Variants in PKD1L1 observed in about 807,000 individuals in gnomAD.
PKD1L1 encodes the protein polycystin-1-like protein 1.
A neutral mutation model predicts 323.4 loss-of-function variants in PKD1L1; 236 were observed. The observed-to-expected ratio is 0.73, with a 90% CI of 0.66 to 0.81. PKD1L1 has a LOEUF of 0.81. Ranked by LOEUF, PKD1L1 falls within the 40% of genes least tolerant of loss-of-function variation. The pLI is 0.00. For synonymous variants in PKD1L1, 1,344 were observed against 1,335.0 expected (o/e 1.01, Z -0.15); for missense variants, 3,320 against 3,508.0 (o/e 0.95, Z 1.35).
intron 56 of PKD1L1, among the ~76,000 whole-genome samples, chr7:47,792,199 G>T (rs1786965636): frequency 6.6e-6 from 1 of 152,174 alleles, no homozygotes; most frequent in African/African-American, 2.4e-5. Flanking sequence ...CTAACTTGGA[G>T]AATTCTGTGT....
At chr7:47,913,907 G>A (rs955919325) in intron 8 of PKD1L1, among the ~76,000 whole-genome samples, 2 of 152,162 alleles carry the variant, frequency 1.3e-5, no homozygotes, top group Admixed American at 1.3e-4. Flanking sequence ...GAAGAGAAGA[G>A]GTAGGAGCTG....
chr7:47,834,466 G>T, intron 39 of PKD1L1, 81 bp from the exon 40 acceptor site: 1 of 1,146,138 alleles, frequency 8.7e-7, no homozygotes, highest in Non-Finnish European at 1.3e-6. Flanking sequence ...GGATTAGCGG[G>T]GACACTACTT....
chr7:47,786,838 TC>T (rs1220373894), intron 56 of PKD1L1, among the ~76,000 whole-genome samples: 1 of 151,990 alleles, frequency 6.6e-6, no homozygotes, highest in Non-Finnish European at 1.5e-5. Context: ...GGAGGTCTCT[TC>T]GGGGTCCAAG....
intron 54 of PKD1L1, among the ~76,000 whole-genome samples, chr7:47,797,810 G>C (rs1230226492): frequency 6.6e-6 from 1 of 152,174 alleles, no homozygotes; most frequent in Non-Finnish European, 1.5e-5. Flanking sequence ...GTCTCCCTAG[G>C]AAGAATAAAT....
intron 24 of PKD1L1, among the ~76,000 whole-genome samples, chr7:47,870,484 T>C (rs996467642): frequency 6.6e-6 from 1 of 151,702 alleles, no homozygotes; most frequent in Non-Finnish European, 1.5e-5. Context: ...CATACAAAAC[T>C]GTATGCCAAA....
chr7:47,885,947 C>A lies in PKD1L1; in HGVS notation c.2944G>T (p.Asp982Tyr). The A allele has an allele frequency of 6.2e-7, 1 of 1,614,188 alleles. No homozygotes were observed. The highest frequency in any genetic ancestry group is 1.1e-5 in the South Asian group (1 of 91,086). Reference protein sequence around the residue: ...LPTEPGTADPDATTTPFSREP... With the variant: ...LPTEPGTADPYATTTPFSREP... ...CGTGAGAATGGTGTGGTCGTTGCAT[C>A]AGGATCTGCAGTGCCAGGCTCAGTG... The change falls in exon 18 of 57, where the codon GAT becomes TAT. Residue 982 changes from aspartate to tyrosine, a missense_variant. Transcript: ENST00000289672.
Position 47,855,281 on chromosome 7 carries a change from C to T in PKD1L1, c.4591-16G>A. On this transcript the variant is annotated splice_polypyrimidine_tract_variant and intron_variant, in intron 28 of 56. Coordinates refer to ENST00000289672, the MANE Select transcript of PKD1L1 (RefSeq NM_138295.5). ...CTCCACCAATCTTGGGGAACAAAGA[C>T]CATCTCAGAGCAAATGACAGCAAGC... 6.3e-7 allele frequency: 1 copy of T among 1,595,988 alleles called. No homozygotes were observed. Among genetic ancestry groups the T allele is most frequent in the Non-Finnish European group, 8.6e-7 (1 of 1,165,244 alleles).
At chr7:47,937,248 C>G (rs1446559735) in intron 3 of PKD1L1, among the ~76,000 whole-genome samples, 1 of 2,196 alleles carries the variant, frequency 4.6e-4, no homozygotes, top group South Asian at 9.4e-3. Flanking sequence ...GGGGTCGGGA[C>G]GGGGTGGGGG....
chr7:47,781,733 A>C (rs2128721437), intron 56 of PKD1L1, among the ~76,000 whole-genome samples: 1 of 152,242 alleles, frequency 6.6e-6, no homozygotes, highest in Non-Finnish European at 1.5e-5. Flanking sequence ...CAATTTTTAA[A>C]GTTCCAATTT....
In PKD1L1 at chr7:47,885,921, C is replaced by A. The variant is rs777074000; in HGVS notation, c.2970G>T (p.Arg990=). Residue 990 remains arginine, a synonymous_variant, in exon 18 of 57, where the codon CGG becomes CGT. Coordinates refer to ENST00000289672, the MANE Select transcript of PKD1L1 (RefSeq NM_138295.5). ...DPDATTTPFS[R]EPSPVTLGQP... ...GGCCAAGGGTCACGGGTGAAGGTTC[C>A]CGTGAGAATGGTGTGGTCGTTGCAT... The A allele has an allele frequency of 6.2e-7, 1 of 1,613,966 alleles. No individual in the cohort carries two copies. Among genetic ancestry groups the A allele is most frequent in the Non-Finnish European group, 8.5e-7 (1 of 1,180,022 alleles).
In PKD1L1 at chr7:47,880,265, C is replaced by CATATATAT. The variant is rs1223516389; in HGVS notation, c.3520+455_3520+462dup. On this transcript the variant is annotated intron_variant, in intron 21 of 56. Transcript: ENST00000289672. ...TAAATAAGATATATATATATATATA[C>CATATATAT]ATATATATATATATATATATTTTTT... Among the ~76,000 whole-genome samples, 268 of 75,546 alleles carry CATATATAT rather than the reference C, an allele frequency of 3.5e-3. 7 individuals carry two copies. Among genetic ancestry groups the CATATATAT allele is most frequent in the Non-Finnish European group, 4.4e-3 (192 of 43,910 alleles). The allele number at this position is 75,546 out of a possible 152,430, so 49.6% of individuals were successfully genotyped here. A position where few individuals can be genotyped will look rare whatever the true frequency, so the allele number is the denominator to read the frequency against.
chr7:47,959,186 C>G, the PKD1L1 span, among the ~76,000 whole-genome samples: 1 of 152,162 alleles, frequency 6.6e-6, no homozygotes, highest in African/African-American at 2.4e-5. Flanking sequence ...CTCCACCTCC[C>G]AGCCGCCTGC....
upstream of PKD1L1, among the ~76,000 whole-genome samples, chr7:47,950,249 C>T (rs1005491335): frequency 3.3e-5 from 5 of 152,158 alleles, no homozygotes; most frequent in African/African-American, 1.2e-4. Flanking sequence ...CCCACACGCA[C>T]ACCTGGATGC....
chr7:47,947,577 G>T (rs1563003867), intron 1 of PKD1L1, among the ~76,000 whole-genome samples: 1 of 152,248 alleles, frequency 6.6e-6, no homozygotes, highest in Non-Finnish European at 1.5e-5. Context: ...ATGTCACACT[G>T]CCATGAGACA....
chr7:47,815,691 T>C (rs913548984), intron 46 of PKD1L1, among the ~76,000 whole-genome samples: 3 of 152,182 alleles, frequency 2.0e-5, no homozygotes, highest in African/African-American at 7.2e-5. Context: ...ATTTGCTCAC[T>C]CCATCAGTCA....
intron 15 of PKD1L1, among the ~76,000 whole-genome samples, chr7:47,893,521 G>C (rs556486633): frequency 1.3e-5 from 2 of 152,236 alleles, no homozygotes; most frequent in East Asian, 3.9e-4. Context: ...GGGCTGAACT[G>C]GGGGCAGCCT....
intron 7 of PKD1L1, among the ~76,000 whole-genome samples, chr7:47,919,859 A>C (rs1471152477): frequency 6.6e-6 from 1 of 152,166 alleles, no homozygotes; most frequent in East Asian, 1.9e-4. Flanking sequence ...CATACAAGGG[A>C]CATACCTCAA....
chr7:47,871,903 G>A (rs774013684), intron 24 of PKD1L1, among the ~76,000 whole-genome samples: 16 of 152,114 alleles, frequency 1.1e-4, no homozygotes, highest in South Asian at 2.1e-4. Flanking sequence ...TCTGTTCAGC[G>A]TTGAATGGAG....
chr7:47,781,383 A>G lies in PKD1L1; in HGVS notation c.8527-6217T>C, dbSNP rs540812243. Among the ~76,000 whole-genome samples the G allele has an allele frequency of 4.7e-5, 7 of 149,934 alleles. No homozygotes were observed. The South Asian group carries it at 6.7e-4, about 14-fold the overall frequency. On this transcript the variant is annotated intron_variant, in intron 56 of 56. Transcript: ENST00000289672. ...TCTCAATAAAGTCATTTGCAGAACA[A>G]AAGGTTTTTTTTTTTGTTTTGTTTT... is the stretch of plus-strand genomic sequence containing the variant.
Sources: allele counts gnomAD v4.1 joint callset (sites outside exome capture counted in the v4.1 genomes callset), GRCh38; gene constraint gnomAD v4.1.1; transcripts MANE v1.5; gene names NCBI Gene and HGNC (gene_info 2026-07-23, HGNC 2026-07-21).